OR13A1: variants seen among roughly 807,000 people sequenced by gnomAD.
OR13A1 encodes the protein olfactory receptor 13A1.
A neutral mutation model predicts 7.5 loss-of-function variants in OR13A1; 10 were observed. The ratio of observed to expected loss-of-function variants is 1.34; its 90% CI spans 0.83 to 2.27. The LOEUF is 2.27. Among genes scored for constraint, OR13A1 ranks in the 30% most tolerant of loss-of-function variants. The probability of loss-of-function intolerance (pLI) is 0.00; values close to 1 mark genes in which losing one functional copy is unlikely to be tolerated. For missense variants in OR13A1, 509 were observed against 419.1 expected, an observed-to-expected ratio of 1.21 and a Z score of -1.87; for synonymous variants, 238 against 177.9, an observed-to-expected ratio of 1.34 and a Z score of -2.69.
chr10:45,309,774 T>C (rs7085353), intron 1 of OR13A1, among the ~76,000 whole-genome samples: 28,693 of 152,090 alleles, frequency 0.19, 4,154 homozygotes, highest in African/African-American at 0.4. Context: ...TAAATATCGA[T>C]GGGTTTACTA....
intron 1 of OR13A1, among the ~76,000 whole-genome samples, chr10:45,312,773 A>G (rs1019808197): frequency 6.6e-6 from 1 of 152,148 alleles, no homozygotes; most frequent in Non-Finnish European, 1.5e-5. Flanking sequence ...TAATATATTC[A>G]AAGAGCTGAA....
At chr10:45,311,119 A>C (rs1174919551) in intron 1 of OR13A1, among the ~76,000 whole-genome samples, 3 of 152,230 alleles carry the variant, frequency 2.0e-5, no homozygotes, top group African/African-American at 7.2e-5. Context: ...CCTGGGCAAT[A>C]CCACTGCTCA....
chr10:45,302,674 C>A lies in OR13A1; in HGVS notation c.*762G>T, dbSNP rs760483882. The A allele has an allele frequency of 6.6e-6, 1 of 152,086 alleles. No homozygotes were observed. The highest frequency in any genetic ancestry group is 1.5e-5 in the Non-Finnish European group (1 of 68,012). The allele number at this position is 152,086 out of a possible 1,614,324, so 9.4% of individuals were successfully genotyped here. ...GTTTTGTAATAGCATGGAGCACAAG[C>A]ACAAGACCTGTCTTTATTAGACACA... is the stretch of plus-strand genomic sequence containing the variant. On this transcript the variant is annotated 3_prime_UTR_variant, in exon 4 of 4. Coordinates refer to ENST00000553795, the MANE Select transcript of OR13A1 (RefSeq NM_001004297.3).
In OR13A1 at chr10:45,304,330, G is replaced by A. The variant is rs1838284333; in HGVS notation, c.93C>T (p.Ile31=). The A allele has an allele frequency of 1.9e-6, 3 of 1,614,162 alleles. No individual in the cohort carries two copies. The highest frequency in any genetic ancestry group is 1.6e-4 in the Middle Eastern group (1 of 6,062). The change falls in exon 4 of 4, where the codon ATC becomes ATT. Residue 31 remains isoleucine (I), a synonymous_variant. Coordinates refer to ENST00000553795, the MANE Select transcript of OR13A1 (RefSeq NM_001004297.3). The part of the protein sequence containing the change: ...MSNQTLVTEF[I]LQGFSEHPEY... Reference sequence around the variant, plus strand: ...CTGGGTGCTCCGAAAAGCCCTGCAGGATGAACTCGGTTACCAACGTCTGGT... The same window carrying A: ...CTGGGTGCTCCGAAAAGCCCTGCAGAATGAACTCGGTTACCAACGTCTGGT...
chr10:45,310,949 C>A (rs1414880261), intron 1 of OR13A1, among the ~76,000 whole-genome samples: 1 of 152,034 alleles, frequency 6.6e-6, no homozygotes, highest in Non-Finnish European at 1.5e-5. Flanking sequence ...TATGCAGAAC[C>A]CCAAAAGTTC....
intron 3 of OR13A1, among the ~76,000 whole-genome samples, chr10:45,307,140 G>A (rs1838348126): frequency 1.3e-5 from 2 of 152,080 alleles, no homozygotes; most frequent in Admixed American, 6.5e-5. Context: ...TATTACAAAC[G>A]CACCAGAGTC....
intron 1 of OR13A1, among the ~76,000 whole-genome samples, chr10:45,308,482 G>T (rs1483325693): frequency 6.6e-6 from 1 of 152,174 alleles, no homozygotes; most frequent in Admixed American, 6.5e-5. Flanking sequence ...CTGGGGTGTG[G>T]AATGTAAACC....
chr10:45,305,427 G>T (rs1431109237), intron 3 of OR13A1, among the ~76,000 whole-genome samples: 1 of 152,108 alleles, frequency 6.6e-6, no homozygotes, highest in Non-Finnish European at 1.5e-5. Flanking sequence ...GAAAAACACT[G>T]GTGAGTGCTA....
At chr10:45,307,089 T>A (rs1204731832) in intron 3 of OR13A1, among the ~76,000 whole-genome samples, 1 of 152,110 alleles carries the variant, frequency 6.6e-6, no homozygotes, top group Non-Finnish European at 1.5e-5. Flanking sequence ...GCCACCAGAT[T>A]TCTCCAGCCA....
At position 45,311,231 on chromosome 10, in the gene OR13A1, C is replaced by T. The variant is rs74128444; in HGVS notation, c.-224-3423G>A. 8.9e-3 allele frequency among the ~76,000 whole-genome samples: 1,350 copies of T among 152,314 alleles called. 23 individuals carry two copies. The highest frequency in any genetic ancestry group is 0.031 in the African/African-American group (1,297 of 41,562). On this transcript the variant is annotated intron_variant, in intron 1 of 3. Transcript: ENST00000553795. Reference sequence around the variant, plus strand: ...TATCACCCAGCCATAGCCTTGGGTGCATTTCATATTTCTCAAGACATTCGC... The same window carrying T: ...TATCACCCAGCCATAGCCTTGGGTGTATTTCATATTTCTCAAGACATTCGC...
At chr10:45,315,016 A>AT (rs1417841647) in intron 1 of OR13A1, among the ~76,000 whole-genome samples, 3 of 152,262 alleles carry the variant, frequency 2.0e-5, no homozygotes, top group Non-Finnish European at 4.4e-5. Context: ...AAAAATGAAT[A>AT]TAAAAAACAC....
chr10:45,304,874 ATC>A (rs1199382712), intron 3 of OR13A1, among the ~76,000 whole-genome samples: 2 of 152,230 alleles, frequency 1.3e-5, no homozygotes, highest in Non-Finnish European at 2.9e-5. Context: ...ATTTAAAACA[ATC>A]TATACCCTTA....
rs1255541290 is a variant in OR13A1 at position 45,307,406 on chromosome 10, A to T, written c.-13+20T>A. The T allele has an allele frequency of 6.6e-6, 1 of 152,236 alleles. No homozygotes were observed. Among genetic ancestry groups the T allele is most frequent in the Admixed American group, 6.5e-5 (1 of 15,288 alleles). The allele number at this position is 152,236 out of a possible 1,614,324, so 9.4% of individuals were successfully genotyped here. A position where few individuals can be genotyped will look rare whatever the true frequency, so the allele number is the denominator to read the frequency against. On this transcript the variant is annotated intron_variant, in intron 3 of 3. Coordinates refer to ENST00000553795, the MANE Select transcript of OR13A1 (RefSeq NM_001004297.3). ...AAATGTATTCACATTCAAGGAGCAA[A>T]TTAGCCCTCAGGTAATTACCCACTT...
rs772146813 is a variant in OR13A1, at chr10:45,303,445, G to A, written c.978C>T (p.Phe326=). ...CTTCAGAAGACACAAGTTAATTTCT[G>A]AAGAAAGGGAAAAGCTTCCTGAGGG... ...KAALRKLFPF[F]RN The change falls in exon 4 of 4, where the codon TTC becomes TTT. Residue 326 remains phenylalanine, a synonymous_variant. Transcript: ENST00000553795. 1.9e-6 allele frequency: 3 copies of A among 1,589,924 alleles called. No homozygotes were observed. The highest frequency in any genetic ancestry group is 1.1e-5 in the South Asian group (1 of 88,338).
At chr10:45,314,603 CA>C (rs1838494783) in intron 1 of OR13A1, among the ~76,000 whole-genome samples, 1 of 151,204 alleles carries the variant, frequency 6.6e-6, no homozygotes, top group African/African-American at 2.4e-5. Flanking sequence ...AATATAAAAA[CA>C]ATAGAAAAAA....
At position 45,303,932 on chromosome 10, in the gene OR13A1, G is replaced by A. The variant is rs1838267010; in HGVS notation, c.491C>T (p.Thr164Ile). ...GACGGCGCAGAGCAGCCACACGGCTGTGGCCAGCCCGCTGCAGAACACCTT... is the reference window on the plus strand; with the variant it reads ...GACGGCGCAGAGCAGCCACACGGCTATGGCCAGCCCGCTGCAGAACACCTT... Reference protein sequence around the residue: ...MSKVFCSGLATAVWLLCAVNT... With the variant: ...MSKVFCSGLAIAVWLLCAVNT... The change falls in exon 4 of 4, where the codon ACA (threonine) becomes ATA (isoleucine). Residue 164 changes from threonine (T) to isoleucine (I), a missense_variant. Coordinates refer to ENST00000553795, the MANE Select transcript of OR13A1 (RefSeq NM_001004297.3). 6 of 1,613,752 alleles carry A rather than the reference G, an allele frequency of 3.7e-6. No individual in the cohort carries two copies. Among genetic ancestry groups the A allele is most frequent in the Non-Finnish European group, 5.1e-6 (6 of 1,180,022 alleles).
At chr10:45,307,659 G>A (rs1693764978) in intron 2 of OR13A1, 80 bp downstream of exon 2, 1 of 152,192 alleles carries the variant, frequency 6.6e-6, no homozygotes, top group Admixed American at 6.5e-5. Context: ...CTAAGGGTAT[G>A]AGGCAAAATA....
In OR13A1 at chr10:45,304,265, T is replaced by A. The variant is rs889036980; in HGVS notation, c.158A>T (p.Tyr53Phe). 6.2e-7 allele frequency: 1 copy of A among 1,613,760 alleles called. No individual in the cohort carries two copies. The highest frequency in any genetic ancestry group is 8.5e-7 in the Non-Finnish European group (1 of 1,179,914). The change falls in exon 4 of 4, where the codon TAC (tyrosine) becomes TTC (phenylalanine). Residue 53 changes from tyrosine (Y) to phenylalanine (F), a missense_variant. Transcript: ENST00000553795. ...VFLFSCFLFL[Y>F]SGALTGNVLI... ...GACATTACCTGTGAGGGCCCCAGAG[T>A]AGAGGAAGAGGAAACAGCTGAATAA... is the stretch of plus-strand genomic sequence containing the variant.
At chr10:45,311,105 C>T (rs959801850) in intron 1 of OR13A1, among the ~76,000 whole-genome samples, 2 of 152,192 alleles carry the variant, frequency 1.3e-5, no homozygotes, top group Non-Finnish European at 2.9e-5. Flanking sequence ...CATGAGGAGT[C>T]CTGCCTGGGC....
Sources: gnomAD v4.1 joint callset for allele counts (sites outside exome capture counted in the v4.1 genomes callset) on GRCh38, gnomAD v4.1.1 for gene constraint, MANE v1.5 for transcripts, NCBI Gene and HGNC (gene_info 2026-07-23, HGNC 2026-07-21) for gene names.